Variants in FRMD3 observed in about 807,000 individuals in gnomAD.
The protein encoded by FRMD3 is FERM domain-containing protein 3.
A neutral mutation model predicts 70.2 loss-of-function variants in FRMD3; 33 were observed. The observed-to-expected ratio is 0.47, with a 90% CI of 0.36 to 0.63. The LOEUF is 0.63. FRMD3 is among the 20% of genes least tolerant of loss of function. The pLI, the probability that FRMD3 is intolerant of heterozygous loss-of-function variation, is 0.00. For synonymous variants in FRMD3, 279 were observed against 255.9 expected (o/e 1.09, Z -0.86); for missense variants, 632 against 711.4 (o/e 0.89, Z 1.27).
At chr9:83,336,360 G>T (rs114710164) in intron 5 of FRMD3, among the ~76,000 whole-genome samples, 2,753 of 150,762 alleles carry the variant, frequency 0.018, 100 homozygotes, top group African/African-American at 0.064. Context: ...TAATGCCCCC[G>T]CCCCAGTATT....
At position 83,247,560 on chromosome 9, in the gene FRMD3, T is replaced by C; in HGVS notation, c.*358A>G. On this transcript the variant is annotated 3_prime_UTR_variant, in exon 14 of 14. Coordinates refer to ENST00000304195, the MANE Select transcript of FRMD3 (RefSeq NM_174938.6). ...TCTTGAGTTGTTACTAAAATTCTGA[T>C]TCTGAACCTTATAGCTTATAATGGT... The C allele has an allele frequency of 1.0e-6, 1 of 1,003,318 alleles. No homozygotes were observed. The highest frequency in any genetic ancestry group is 1.2e-6 in the Non-Finnish European group (1 of 840,162). The allele number at this position is 1,003,318 out of a possible 1,614,324, so 62.2% of individuals were successfully genotyped here. A position where few individuals can be genotyped will look rare whatever the true frequency, so the allele number is the denominator to read the frequency against.
chr9:83,517,319 T>C (rs903945905), intron 1 of FRMD3, among the ~76,000 whole-genome samples: 1 of 151,862 alleles, frequency 6.6e-6, no homozygotes, highest in African/African-American at 2.4e-5. Flanking sequence ...AAATACAAAC[T>C]ACCATCAGAG....
chr9:83,563,028 A>G, the FRMD3 span, among the ~76,000 whole-genome samples: 3 of 152,168 alleles, frequency 2.0e-5, no homozygotes, highest in South Asian at 2.1e-4. Context: ...AATGAATGCA[A>G]TGTGGAAACT....
intron 13 of FRMD3, among the ~76,000 whole-genome samples, chr9:83,261,604 C>T (rs928254770): frequency 1.3e-5 from 2 of 152,166 alleles, no homozygotes; most frequent in Admixed American, 6.5e-5. Flanking sequence ...TCTGTACCCT[C>T]TTTCTTGGTG....
At chr9:83,525,082 G>C (rs1829656720) in intron 1 of FRMD3, among the ~76,000 whole-genome samples, 1 of 152,112 alleles carries the variant, frequency 6.6e-6, no homozygotes, top group Non-Finnish European at 1.5e-5. Flanking sequence ...ATATTCATTA[G>C]TAAATAATAT....
the FRMD3 span, among the ~76,000 whole-genome samples, chr9:83,545,360 T>TG: frequency 1.4e-5 from 2 of 141,386 alleles, no homozygotes; most frequent in African/African-American, 5.6e-5. Context: ...TTTTTTGTTT[T>TG]TTTTTTTTTT....
At position 83,335,626 on chromosome 9, in the gene FRMD3, A is replaced by G; in HGVS notation, c.486T>C (p.Asp162=). ...TCTCAGGATGCTCATCAGGATCGTA[A>G]TCACCAAGCTCAGCTGTAATGAGTG... ...GACIVQAELG[D]YDPDEHPENY... The change falls in exon 6 of 14, where the codon GAT becomes GAC. Residue 162 remains aspartate, a synonymous_variant. Transcript: ENST00000304195. 1 of 1,613,290 alleles carries G rather than the reference A, an allele frequency of 6.2e-7. No homozygotes were observed. The highest frequency in any genetic ancestry group is 8.5e-7 in the Non-Finnish European group (1 of 1,179,488).
chr9:83,251,126 G>T (rs1832398988), intron 13 of FRMD3, among the ~76,000 whole-genome samples: 1 of 152,176 alleles, frequency 6.6e-6, no homozygotes, highest in South Asian at 2.1e-4. Context: ...CAACAAGTCA[G>T]TACACCCCTG....
chr9:83,455,070 T>TTAC lies in FRMD3; in HGVS notation c.148-65365_148-65363dup, dbSNP rs201084903. Reference sequence around the variant, plus strand: ...CCTATATCTGACAAGTTAGTAACACTTACTTTTTAATTATGCAATGTTTGA... The same window carrying TTAC: ...CCTATATCTGACAAGTTAGTAACACTTACTACTTTTTAATTATGCAATGTTTGA... On this transcript the variant is annotated intron_variant, in intron 1 of 13. Coordinates refer to ENST00000304195, the MANE Select transcript of FRMD3 (RefSeq NM_174938.6). Among the ~76,000 whole-genome samples, 4 of 150,476 alleles carry TTAC rather than the reference T, an allele frequency of 2.7e-5. No individual in the cohort carries two copies. In the East Asian group the frequency reaches 8.0e-4, roughly 30 times the overall value.
the FRMD3 span, among the ~76,000 whole-genome samples, chr9:83,560,547 G>C: frequency 2.6e-5 from 4 of 152,210 alleles, no homozygotes; most frequent in African/African-American, 9.7e-5. Context: ...GTGAGAGTGA[G>C]AATAAATGCG....
chr9:83,570,647 T>A, the FRMD3 span, among the ~76,000 whole-genome samples: 149,948 of 152,314 alleles, frequency 0.98, 73,816 homozygotes, highest in East Asian at 1. Flanking sequence ...AGGGACCAGT[T>A]AGCAATGGAA....
chr9:83,412,948 TCATGCCACTG>T (rs1367647509), intron 1 of FRMD3, among the ~76,000 whole-genome samples: 1 of 151,660 alleles, frequency 6.6e-6, no homozygotes, highest in Non-Finnish European at 1.5e-5. Context: ...TGAGCCGAGA[TCATGCCACTG>T]CATTTAGCCT....
chr9:83,248,396 G>A lies in FRMD3; in HGVS notation c.1316C>T (p.Pro439Leu), dbSNP rs759793194. 9 of 1,614,032 alleles carry A rather than the reference G, an allele frequency of 5.6e-6. No individual in the cohort carries two copies. Among genetic ancestry groups the A allele is most frequent in the Non-Finnish European group, 6.8e-6 (8 of 1,180,046 alleles). The change falls in exon 14 of 14, where the codon CCT (proline) becomes CTT (leucine). Residue 439 changes from proline (P) to leucine (L), a missense_variant. Around this residue, in one of 3 missense-constraint regions of FRMD3, gnomAD observed 418 missense variants for 442.1 expected, o/e 0.95. Coordinates refer to ENST00000304195, the MANE Select transcript of FRMD3 (RefSeq NM_174938.6). ...GTACACTAGTTCAGAGATGGTTAAA[G>A]GTTCTTCTTTTATTTTATCTTCCTC... ...SEEEDKIKEEPLTISELVYNP... is the reference protein window; with the variant it reads ...SEEEDKIKEELLTISELVYNP...
intron 13 of FRMD3, among the ~76,000 whole-genome samples, chr9:83,268,714 T>G (rs1415703282): frequency 2.0e-5 from 3 of 151,932 alleles, no homozygotes; most frequent in Non-Finnish European, 4.4e-5. Flanking sequence ...GGAAAAAGGG[T>G]GTTGCCAGCC....
intron 1 of FRMD3, among the ~76,000 whole-genome samples, chr9:83,466,302 G>C (rs1828125607): frequency 6.6e-6 from 1 of 152,144 alleles, no homozygotes; most frequent in Non-Finnish European, 1.5e-5. Context: ...TTTGCATTTT[G>C]GTTTAGGGCA....
chr9:83,360,950 G>T (rs1321013602), intron 3 of FRMD3, among the ~76,000 whole-genome samples: 1 of 152,170 alleles, frequency 6.6e-6, no homozygotes, highest in Non-Finnish European at 1.5e-5. Flanking sequence ...CTGGGAGAAG[G>T]ATCAAATATA....
intron 6 of FRMD3, among the ~76,000 whole-genome samples, chr9:83,334,838 C>T (rs1254034944): frequency 6.6e-6 from 1 of 152,188 alleles, no homozygotes; most frequent in African/African-American, 2.4e-5. Flanking sequence ...TTACTAGCTG[C>T]GTGACCTTGG....
At chr9:83,566,844 G>A in the FRMD3 span, among the ~76,000 whole-genome samples, 17 of 152,274 alleles carry the variant, frequency 1.1e-4, no homozygotes, top group Non-Finnish European at 2.1e-4. Flanking sequence ...CCTCCCACCC[G>A]GCTGCTCTCA....
intron 1 of FRMD3, among the ~76,000 whole-genome samples, chr9:83,494,833 A>AGGTGTG (rs1554712462): frequency 6.7e-6 from 1 of 149,320 alleles, no homozygotes; most frequent in Non-Finnish European, 1.5e-5. Flanking sequence ...CTGTGCATTT[A>AGGTGTG]TGTGTGTGTG....
Sources: gnomAD v4.1 joint callset for allele counts (sites outside exome capture counted in the v4.1 genomes callset) on GRCh38, gnomAD v4.1.1 for gene constraint, gnomAD v4.1.1 regional missense constraint, MANE v1.5 for transcripts, NCBI Gene and HGNC (gene_info 2026-07-23, HGNC 2026-07-21) for gene names.